CNTN5: variants seen among roughly 807,000 people sequenced by gnomAD.
The protein encoded by CNTN5 is contactin-5.
A neutral mutation model predicts 129.1 loss-of-function variants in CNTN5; 77 were observed. That is an observed-to-expected ratio of 0.60 (90% CI 0.50 to 0.72). The LOEUF is 0.72. Among genes scored for constraint, CNTN5 ranks in the 30% least tolerant of loss-of-function variants. CNTN5 has a pLI of 0.00. For synonymous variants in CNTN5, 509 were observed against 465.6 expected (o/e 1.09, Z -1.20); for missense variants, 1,478 against 1,328.8 (o/e 1.11, Z -1.75).
intron 6 of CNTN5, among the ~76,000 whole-genome samples, chr11:99,858,396 T>TA (rs1487743560): frequency 7.2e-5 from 11 of 152,030 alleles, no homozygotes; most frequent in Admixed American, 5.9e-4. Flanking sequence ...ATTACCAAAA[T>TA]AAAAAATTGT....
At chr11:100,131,568 C>T (rs895420891) in intron 13 of CNTN5, among the ~76,000 whole-genome samples, 17 of 151,534 alleles carry the variant, frequency 1.1e-4, no homozygotes, top group African/African-American at 3.9e-4. Context: ...ATGGTCGAAA[C>T]AAAGCAGGTG....
chr11:99,958,478 C>T (rs183245933), intron 8 of CNTN5, among the ~76,000 whole-genome samples: 1 of 152,248 alleles, frequency 6.6e-6, no homozygotes, highest in South Asian at 2.1e-4. Context: ...ATACAGGGTA[C>T]ATGGGAAATC....
chr11:99,597,575 T>A (rs147575994), intron 3 of CNTN5, among the ~76,000 whole-genome samples: 130 of 152,262 alleles, frequency 8.5e-4, no homozygotes, highest in African/African-American at 2.7e-3. Context: ...GCTCTGACTG[T>A]CAGGGTTTTT....
intron 1 of CNTN5, among the ~76,000 whole-genome samples, chr11:99,109,138 T>C (rs1268861345): frequency 6.6e-6 from 1 of 151,726 alleles, no homozygotes; most frequent in African/African-American, 2.4e-5. Context: ...TATATATACA[T>C]ATTTATCTTT....
intron 1 of CNTN5, among the ~76,000 whole-genome samples, chr11:99,098,663 C>T (rs375380165): frequency 6.6e-6 from 1 of 152,078 alleles, no homozygotes; most frequent in Non-Finnish European, 1.5e-5. Flanking sequence ...TTCCTGAATT[C>T]TTCTTAAAGA....
intron 3 of CNTN5, among the ~76,000 whole-genome samples, chr11:99,618,480 G>A (rs1011705756): frequency 3.3e-5 from 5 of 152,078 alleles, no homozygotes; most frequent in Admixed American, 1.3e-4. Flanking sequence ...TGTAATCTAC[G>A]TGAAAGCAGA....
intron 1 of CNTN5, among the ~76,000 whole-genome samples, chr11:99,037,485 A>G (rs1243669757): frequency 6.6e-6 from 1 of 151,294 alleles, no homozygotes; most frequent in Non-Finnish European, 1.5e-5. Flanking sequence ...ACCAAAACCT[A>G]TCATTAGTTG....
At chr11:99,166,844 T>C (rs1379886484) in intron 1 of CNTN5, among the ~76,000 whole-genome samples, 3 of 81,640 alleles carry the variant, frequency 3.7e-5, no homozygotes, top group Non-Finnish European at 5.3e-5. Context: ...ACATATTTCG[T>C]TGAATTACAT....
intron 23 of CNTN5, 49 bp downstream of exon 23, chr11:100,341,254 T>C: frequency 1.5e-6 from 2 of 1,338,558 alleles, no homozygotes; most frequent in Non-Finnish European, 2.1e-6. Context: ...CCGAAATTGT[T>C]ATTATGAAGA....
At chr11:99,609,599 C>T (rs989654999) in intron 3 of CNTN5, among the ~76,000 whole-genome samples, 2 of 152,034 alleles carry the variant, frequency 1.3e-5, no homozygotes, top group Non-Finnish European at 2.9e-5. Context: ...GTTGATATGC[C>T]TATCCTGGTT....
chr11:99,126,785 C>A (rs1858656287), intron 1 of CNTN5, among the ~76,000 whole-genome samples: 1 of 152,180 alleles, frequency 6.6e-6, no homozygotes, highest in South Asian at 2.1e-4. Flanking sequence ...ATTTTTCTCT[C>A]TAATAGATAT....
At chr11:100,028,785 C>T (rs1281280202) in intron 9 of CNTN5, among the ~76,000 whole-genome samples, 1 of 152,144 alleles carries the variant, frequency 6.6e-6, no homozygotes, top group African/African-American at 2.4e-5. Flanking sequence ...AAAAATGTTT[C>T]TATAGATATG....
At chr11:99,412,663 T>C (rs1481564414) in intron 2 of CNTN5, among the ~76,000 whole-genome samples, 1 of 152,298 alleles carries the variant, frequency 6.6e-6, no homozygotes, top group African/African-American at 2.4e-5. Flanking sequence ...GAAACAGCCT[T>C]GAAGAAATAA....
At chr11:99,637,617 A>G (rs985505345) in intron 3 of CNTN5, among the ~76,000 whole-genome samples, 3 of 152,048 alleles carry the variant, frequency 2.0e-5, no homozygotes, top group African/African-American at 7.2e-5. Flanking sequence ...CATTTCTCAT[A>G]TTCTTTTTAG....
intron 3 of CNTN5, among the ~76,000 whole-genome samples, chr11:99,652,323 G>T (rs368605112): frequency 3.9e-5 from 6 of 151,988 alleles, no homozygotes; most frequent in African/African-American, 1.2e-4. Context: ...TCTATCTTCA[G>T]TTGGTTATAA....
intron 6 of CNTN5, among the ~76,000 whole-genome samples, chr11:99,849,327 C>T (rs979614998): frequency 6.6e-6 from 1 of 151,422 alleles, no homozygotes; most frequent in Non-Finnish European, 1.5e-5. Context: ...AGTCACATGG[C>T]TTTTTGCAGA....
chr11:99,251,502 C>T (rs1031075013), intron 1 of CNTN5, among the ~76,000 whole-genome samples: 1 of 151,466 alleles, frequency 6.6e-6, no homozygotes, highest in Non-Finnish European at 1.5e-5. Context: ...TAACCCAATA[C>T]TCAATTTACC....
chr11:99,528,900 CT>C (rs1251767468), intron 2 of CNTN5, among the ~76,000 whole-genome samples: 1 of 83,840 alleles, frequency 1.2e-5, no homozygotes, highest in Non-Finnish European at 3.6e-5. Context: ...CCCGTTTCTA[CT>C]AAAAAAAAAA....
chr11:99,447,634 G>A (rs1357544803), intron 2 of CNTN5, among the ~76,000 whole-genome samples: 1 of 152,128 alleles, frequency 6.6e-6, no homozygotes, highest in East Asian at 1.9e-4. Context: ...ATTTATAAAA[G>A]TTCTAGTTAT....
Sources: allele counts gnomAD v4.1 joint callset (sites outside exome capture counted in the v4.1 genomes callset), GRCh38; gene constraint gnomAD v4.1.1; transcripts MANE v1.5; gene names NCBI Gene and HGNC (gene_info 2026-07-23, HGNC 2026-07-21).